Variants in CRB1 observed in about 807,000 individuals in gnomAD.
The protein encoded by CRB1 is protein crumbs homolog 1.
A neutral mutation model predicts 120.0 loss-of-function variants in CRB1; 83 were observed. The observed-to-expected ratio is 0.69, with a 90% confidence interval of 0.58 to 0.83. The LOEUF (loss-of-function observed/expected upper bound fraction) is 0.83, where lower values mean the gene tolerates loss of function less well. CRB1 is among the 40% of genes least tolerant of loss of function. The probability of loss-of-function intolerance (pLI) is 0.00; values close to 1 mark genes in which losing one functional copy is unlikely to be tolerated. For missense variants in CRB1, 1,699 were observed against 1,687.6 expected (o/e 1.01, Z -0.12); for synonymous variants, 625 against 612.5 (o/e 1.02, Z -0.30).
At chr1:197,343,134 A>G (rs1659569274) in intron 2 of CRB1, among the ~76,000 whole-genome samples, 2 of 152,210 alleles carry the variant, frequency 1.3e-5, no homozygotes, top group South Asian at 2.1e-4. Context: ...ACAGTTGTAA[A>G]TAATAGATGG....
At chr1:197,477,424 T>C (rs772125945) in intron 11 of CRB1, 125 of 577,478 alleles carry the variant, frequency 2.2e-4, no homozygotes, top group Non-Finnish European at 3.3e-4. Context: ...ACTGAGCAAA[T>C]ATAGTAGGTA....
intron 11 of CRB1, among the ~76,000 whole-genome samples, chr1:197,461,730 T>C (rs1666541010): frequency 6.6e-6 from 1 of 152,122 alleles, no homozygotes; most frequent in Non-Finnish European, 1.5e-5. Context: ...GCTCGACACA[T>C]GAATCTGTAG....
chr1:197,306,108 G>A (rs965251451), intron 1 of CRB1, among the ~76,000 whole-genome samples: 1 of 152,082 alleles, frequency 6.6e-6, no homozygotes, highest in African/African-American at 2.4e-5. Flanking sequence ...AGAGGAATAG[G>A]TCAGATCCAG....
chr1:197,255,965 T>TA, the CRB1 span, among the ~76,000 whole-genome samples: 22 of 85,342 alleles, frequency 2.6e-4, no homozygotes, highest in South Asian at 2.0e-3. Context: ...ATAGAACATT[T>TA]TATATATATA....
At chr1:197,369,512 T>G (rs1449798639) in intron 5 of CRB1, among the ~76,000 whole-genome samples, 2 of 152,046 alleles carry the variant, frequency 1.3e-5, no homozygotes, top group Admixed American at 6.5e-5. Flanking sequence ...AAAAGAGGTT[T>G]TATTATACCT....
intron 1 of CRB1, among the ~76,000 whole-genome samples, chr1:197,317,802 A>T (rs1657943405): frequency 6.6e-6 from 1 of 152,200 alleles, no homozygotes; most frequent in Non-Finnish European, 1.5e-5. Flanking sequence ...CATGCAGAAC[A>T]ATGAAACTAG....
intron 1 of CRB1, chr1:197,304,485 AGAG>A: frequency 1.5e-6 from 1 of 654,014 alleles, no homozygotes; most frequent in African/African-American, 2.0e-5. Flanking sequence ...ATCTAAAGTT[AGAG>A]GAGTTTATTT....
chr1:197,441,314 CTG>C (rs762880457), intron 10 of CRB1: 21 of 152,134 alleles, frequency 1.4e-4, no homozygotes, highest in Non-Finnish European at 2.8e-4. Context: ...TAAATATCCA[CTG>C]TGTGACTGAA....
chr1:197,258,045 A>G, the CRB1 span, among the ~76,000 whole-genome samples: 61 of 152,312 alleles, frequency 4.0e-4, no homozygotes, highest in African/African-American at 1.4e-3. Flanking sequence ...CTCTATTTAA[A>G]TACTTGATAT....
chr1:197,322,300 A>G (rs1022259969), intron 1 of CRB1, among the ~76,000 whole-genome samples: 1 of 151,872 alleles, frequency 6.6e-6, no homozygotes, highest in Admixed American at 6.6e-5. Flanking sequence ...CATCTCTACT[A>G]AAAATAGAAA....
intron 1 of CRB1, among the ~76,000 whole-genome samples, chr1:197,303,629 A>G (rs1245227563): frequency 6.6e-6 from 1 of 152,094 alleles, no homozygotes; most frequent in African/African-American, 2.4e-5. Flanking sequence ...CCTGAAAAAA[A>G]AATAAGCGAC....
At chr1:197,302,394 A>G (rs1382042297) in intron 1 of CRB1, among the ~76,000 whole-genome samples, 2 of 152,246 alleles carry the variant, frequency 1.3e-5, no homozygotes. Flanking sequence ...TAGGAAACCA[A>G]AAATATTGTG....
At chr1:197,361,749 T>C (rs1351115224) in intron 5 of CRB1, among the ~76,000 whole-genome samples, 2 of 152,048 alleles carry the variant, frequency 1.3e-5, no homozygotes, top group African/African-American at 2.4e-5. Context: ...TACAGGTTTA[T>C]CAATTTTACT....
At chr1:197,342,349 T>C (rs1659515652) in intron 2 of CRB1, among the ~76,000 whole-genome samples, 1 of 152,136 alleles carries the variant, frequency 6.6e-6, no homozygotes, top group Non-Finnish European at 1.5e-5. Context: ...TCCCCAACAA[T>C]CATGGACTTA....
chr1:197,359,349 G>GTT (rs758160335), intron 5 of CRB1, among the ~76,000 whole-genome samples: 3 of 145,176 alleles, frequency 2.1e-5, no homozygotes, highest in African/African-American at 2.5e-5. Flanking sequence ...TAGAATAAGA[G>GTT]TTTTTTTTTT....
chr1:197,393,998 A>G (rs1301612644), intron 5 of CRB1, among the ~76,000 whole-genome samples: 11 of 152,084 alleles, frequency 7.2e-5, no homozygotes, highest in Admixed American at 7.2e-4. Context: ...ACTTTCCACA[A>G]AATTTATAGC....
upstream of CRB1, among the ~76,000 whole-genome samples, chr1:197,266,401 A>G (rs1268517216): frequency 6.6e-6 from 1 of 152,082 alleles, no homozygotes; most frequent in East Asian, 1.9e-4. Context: ...AATCCCATTC[A>G]TGAGGGTTAG....
At chr1:197,366,240 T>C (rs1396037720) in intron 5 of CRB1, among the ~76,000 whole-genome samples, 1 of 152,166 alleles carries the variant, frequency 6.6e-6, no homozygotes, top group East Asian at 1.9e-4. Flanking sequence ...TATTTTTATT[T>C]GTTATACGTC....
At chr1:197,239,385 T>C in the CRB1 span, among the ~76,000 whole-genome samples, 20 of 152,162 alleles carry the variant, frequency 1.3e-4, no homozygotes, top group African/African-American at 4.8e-4. Flanking sequence ...TTTTGCTTCA[T>C]ATATTTTGCA....
Sources: gnomAD v4.1 joint callset for allele counts (sites outside exome capture counted in the v4.1 genomes callset) on GRCh38, gnomAD v4.1.1 for gene constraint, MANE v1.5 for transcripts, NCBI Gene and HGNC (gene_info 2026-07-23, HGNC 2026-07-21) for gene names.